The following PCDHA3 variants were observed in gnomAD, a reference collection of about 807,000 sequenced individuals.
PCDHA3 encodes the protein protocadherin alpha-3.
A neutral mutation model predicts 62.2 loss-of-function variants in PCDHA3; 41 were observed. That is an observed-to-expected ratio of 0.66 (90% CI 0.51 to 0.86). The LOEUF (loss-of-function observed/expected upper bound fraction) is 0.86, where lower values mean the gene tolerates loss of function less well. Among genes scored for constraint, PCDHA3 ranks in the 40% least tolerant of loss-of-function variants. The probability of loss-of-function intolerance (pLI) is 0.00; values close to 1 mark genes in which losing one functional copy is unlikely to be tolerated. For missense variants in PCDHA3, 1,304 were observed against 1,241.2 expected (o/e 1.05, Z -0.76); for synonymous variants, 640 against 555.4 (o/e 1.15, Z -2.14).
Position 140,936,735 on chromosome 5 carries a change from A to G in PCDHA3, c.2395-42214A>G, listed in dbSNP as rs75635765. 5.4e-3 allele frequency among the ~76,000 whole-genome samples: 829 copies of G among 152,226 alleles called. 3 individuals carry two copies. The highest frequency in any genetic ancestry group is 0.019 in the African/African-American group (798 of 41,528). ...AATACATTCTGTGTTAAATATAGTA[A>G]CTTTTCATTTGTATTGATATCTAAT... On this transcript the variant is annotated intron_variant, in intron 1 of 3. Coordinates refer to ENST00000522353, the MANE Select transcript of PCDHA3 (RefSeq NM_018906.3).
At chr5:140,870,030 T>C (rs782502508) in intron 1 of PCDHA3, 4 of 1,613,662 alleles carry the variant, frequency 2.5e-6, no homozygotes, top group Admixed American at 1.7e-5. Context: ...CTTTAGATTA[T>C]GAAGAAAACA....
chr5:140,858,421 G>C (rs782781172), intron 1 of PCDHA3: 2 of 1,557,082 alleles, frequency 1.3e-6, no homozygotes, highest in African/African-American at 1.4e-5. Context: ...CTATTGGAGG[G>C]GACCACTCTA....
chr5:140,838,683 C>T (rs1775834652), intron 1 of PCDHA3, among the ~76,000 whole-genome samples: 2 of 151,884 alleles, frequency 1.3e-5, no homozygotes, highest in Admixed American at 1.3e-4. Flanking sequence ...CACCTTTAAC[C>T]CCAACATTTC....
At chr5:140,999,766 A>G (rs1417826824) in intron 3 of PCDHA3, among the ~76,000 whole-genome samples, 2 of 152,180 alleles carry the variant, frequency 1.3e-5, no homozygotes, top group African/African-American at 2.4e-5. Flanking sequence ...TGATGTCTTT[A>G]TACTCTTAAC....
intron 1 of PCDHA3, chr5:140,849,907 G>A (rs2150457051): frequency 1.3e-6 from 2 of 1,598,320 alleles, no homozygotes; most frequent in East Asian, 4.5e-5. Flanking sequence ...AACCCGCCGG[G>A]CTGCCACATC....
At position 140,982,568 on chromosome 5, in the gene PCDHA3, A is replaced by G. The variant is rs1158399397; in HGVS notation, c.2542+5A>G. 6.2e-7 allele frequency: 1 copy of G among 1,613,890 alleles called. No individual in the cohort carries two copies. The highest frequency in any genetic ancestry group is 8.5e-7 in the Non-Finnish European group (1 of 1,179,906). On this transcript the variant is annotated splice_donor_5th_base_variant and intron_variant, in intron 3 of 3. Coordinates refer to ENST00000522353, the MANE Select transcript of PCDHA3 (RefSeq NM_018906.3). ...CAGTATCCAGTGCAACACCAGGTAA[A>G]GAGCTGGGGTCTCTCCATTCTTTCT...
At chr5:140,948,773 G>A (rs991446033) in intron 1 of PCDHA3, among the ~76,000 whole-genome samples, 12 of 151,352 alleles carry the variant, frequency 7.9e-5, no homozygotes, top group Non-Finnish European at 1.6e-4. Context: ...CGAATAGCCA[G>A]CTTTTGGCTT....
chr5:140,967,084 TC>T, intron 1 of PCDHA3: 2 of 1,613,270 alleles, frequency 1.2e-6, no homozygotes, highest in African/African-American at 2.7e-5. Flanking sequence ...AGCGCATTGA[TC>T]GGGAGGCGCT....
At chr5:140,973,753 G>A (rs935956688) in intron 1 of PCDHA3, among the ~76,000 whole-genome samples, 1 of 152,244 alleles carries the variant, frequency 6.6e-6, no homozygotes, top group Non-Finnish European at 1.5e-5. Flanking sequence ...ACACTCTGCA[G>A]GGACACAGCC....
chr5:140,823,264 C>T (rs1052475502), intron 1 of PCDHA3: 1 of 1,612,910 alleles, frequency 6.2e-7, no homozygotes, highest in Non-Finnish European at 8.5e-7. Flanking sequence ...GGTGGAGCGG[C>T]GGGTGGGCGA....
chr5:140,863,178 C>G (rs1420894530), intron 1 of PCDHA3: 3 of 736,630 alleles, frequency 4.1e-6, no homozygotes, highest in African/African-American at 3.6e-5. Flanking sequence ...TGACTGCCAC[C>G]GTCACCGTGG....
intron 1 of PCDHA3, among the ~76,000 whole-genome samples, chr5:140,874,110 C>T (rs115562650): frequency 0.024 from 3,605 of 152,160 alleles, 51 homozygotes; most frequent in Middle Eastern, 0.034. Flanking sequence ...AATTACTTAA[C>T]GTTTTATAGT....
chr5:140,884,610 G>A (rs1554181783), intron 1 of PCDHA3: 1 of 1,614,138 alleles, frequency 6.2e-7, no homozygotes, highest in South Asian at 1.1e-5. Context: ...CCTTGTCTGG[G>A]TTCTGCAGAG....
Position 140,877,000 on chromosome 5 carries a change from G to A in PCDHA3, c.2394+73409G>A, listed in dbSNP as rs191376557. The stretch of plus-strand genomic sequence containing the variant: ...GCACGCACTGTCGAGCTACGTGTCG[G>A]TGCACGCGGAGAGCGGCAAGGTGTA... On this transcript the variant is annotated intron_variant, in intron 1 of 3. Transcript: ENST00000522353. 1.7e-3 allele frequency: 2,818 copies of A among 1,612,598 alleles called. 5 individuals carry two copies. The highest frequency in any genetic ancestry group is 1.8e-3 in the Non-Finnish European group (2,166 of 1,179,806).
intron 1 of PCDHA3, chr5:140,855,785 A>G (rs2043622079): frequency 4.7e-6 from 2 of 426,874 alleles, no homozygotes; most frequent in Non-Finnish European, 4.2e-6. Context: ...ACGTAAAAAA[A>G]GAATTAACAT....
intron 3 of PCDHA3, among the ~76,000 whole-genome samples, chr5:140,984,162 C>A (rs2097089666): frequency 6.6e-6 from 1 of 152,150 alleles, no homozygotes; most frequent in Non-Finnish European, 1.5e-5. Context: ...GAGAACTTCC[C>A]AAAGAAGCCA....
chr5:140,839,326 C>T (rs1338005685), intron 1 of PCDHA3, among the ~76,000 whole-genome samples: 1 of 151,830 alleles, frequency 6.6e-6, no homozygotes, highest in Non-Finnish European at 1.5e-5. Context: ...TTGGGAAATA[C>T]CTGAAGTTGA....
chr5:140,881,383 G>T (rs2058695337), intron 1 of PCDHA3: 1 of 984,212 alleles, frequency 1.0e-6, no homozygotes, highest in Non-Finnish European at 1.2e-6. Context: ...AGCCGGCGGC[G>T]GTAAGTTAAA....
Position 140,838,095 on chromosome 5 carries a change from T to TA in PCDHA3, c.2394+34504_2394+34505insA, listed in dbSNP as rs1554136885. On this transcript the variant is annotated intron_variant, in intron 1 of 3. Transcript: ENST00000522353. ...TATATATAGTGTGTGTGTGTGTGTG[T>TA]GTGTGTGTGTGTGTGTGTGTGTGTG... 2.7e-5 allele frequency among the ~76,000 whole-genome samples: 4 copies of TA among 145,996 alleles called. 1 individual carries two copies. The highest frequency in any genetic ancestry group is 1.0e-4 in the African/African-American group (4 of 39,008).
Sources: allele counts gnomAD v4.1 joint callset (sites outside exome capture counted in the v4.1 genomes callset), GRCh38; gene constraint gnomAD v4.1.1; transcripts MANE v1.5; gene names NCBI Gene and HGNC (gene_info 2026-07-23, HGNC 2026-07-21).